Variants in LRP1B observed in about 807,000 individuals in gnomAD.
LRP1B encodes LDL receptor related protein 1B, also known as low-density lipoprotein receptor-related protein 1B.
In LRP1B, 217 loss-of-function variants were observed where a neutral mutation model predicts 556.6. That is an observed-to-expected ratio of 0.39 (90% CI 0.35 to 0.44). The LOEUF is 0.44. LRP1B is among the 20% of genes least tolerant of loss of function. The pLI is 1.00. For synonymous variants in LRP1B, 2,047 were observed against 1,865.8 expected, an observed-to-expected ratio of 1.10 and a Z score of -2.50; for missense variants, 5,053 against 5,620.8, an observed-to-expected ratio of 0.90 and a Z score of 3.23.
At chr2:141,549,148 G>A (rs970068640) in intron 2 of LRP1B, among the ~76,000 whole-genome samples, 3 of 152,148 alleles carry the variant, frequency 2.0e-5, no homozygotes, top group African/African-American at 7.2e-5. Flanking sequence ...AAATTTTGGA[G>A]TTAGACAACA....
rs147607732 is a variant in LRP1B at position 140,419,113 on chromosome 2, A to G, written c.10414+23391T>C. 5.9e-5 allele frequency among the ~76,000 whole-genome samples: 9 copies of G among 152,308 alleles called. No individual in the cohort carries two copies. The East Asian group carries it at 1.7e-3, about 29-fold the overall frequency. ...TCAAATATGGGACAAAAACACAAAG[A>G]GTATAGGTATTCCATGCTAATAATA... On this transcript the variant is annotated intron_variant, in intron 66 of 90. Transcript: ENST00000389484.
chr2:140,292,684 G>A (rs1028650820), intron 84 of LRP1B, among the ~76,000 whole-genome samples: 6 of 152,070 alleles, frequency 3.9e-5, no homozygotes, highest in African/African-American at 1.4e-4. Context: ...TTCCTTTTTA[G>A]AATCAGACAT....
intron 77 of LRP1B, among the ~76,000 whole-genome samples, chr2:140,349,175 GAGACCCCTGAACT>G (rs1472471902): frequency 6.6e-6 from 1 of 151,998 alleles, no homozygotes; most frequent in East Asian, 1.9e-4. Context: ...CTGGGGGTTG[GAGACCCCTGAACT>G]AGAACCCTGA....
intron 83 of LRP1B, among the ~76,000 whole-genome samples, chr2:140,307,272 A>G (rs929175291): frequency 1.3e-5 from 2 of 151,970 alleles, no homozygotes; most frequent in Non-Finnish European, 2.9e-5. Context: ...AGCAAAACCT[A>G]TTGTGTACAG....
At chr2:140,343,004 A>AT (rs59075508) in intron 77 of LRP1B, among the ~76,000 whole-genome samples, 18,039 of 151,184 alleles carry the variant, frequency 0.12, 1,106 homozygotes, top group Middle Eastern at 0.16. Flanking sequence ...ATTTGAAGGA[A>AT]TTTTTTTTGT....
At chr2:141,892,166 T>G (rs1392717826) in intron 1 of LRP1B, among the ~76,000 whole-genome samples, 1 of 151,648 alleles carries the variant, frequency 6.6e-6, no homozygotes, top group Non-Finnish European at 1.5e-5. Flanking sequence ...ATAAATGTAA[T>G]GAAGAATGAG....
chr2:141,286,937 T>A (rs1685745749), intron 3 of LRP1B, among the ~76,000 whole-genome samples: 3 of 152,202 alleles, frequency 2.0e-5, no homozygotes, highest in Admixed American at 2.0e-4. Context: ...GAAATGAGAC[T>A]GTGACTAAGA....
chr2:141,125,413 G>T (rs1371734089), intron 7 of LRP1B, among the ~76,000 whole-genome samples: 2 of 152,194 alleles, frequency 1.3e-5, no homozygotes, highest in East Asian at 3.9e-4. Context: ...ATTCTAGAAT[G>T]TTGGAAAAAT....
rs763717771 is a variant in LRP1B, at chr2:140,324,002, A to G, written c.12405T>C (p.Asn4135=). 6 of 1,609,658 alleles carry G rather than the reference A, an allele frequency of 3.7e-6. No homozygotes were observed. Among genetic ancestry groups the G allele is most frequent in the Admixed American group, 1.7e-5 (1 of 59,868 alleles). ...CAAATTTTTGAACTCGAAATACACCATTTTTAGGTCCTGCTCCATATATAT... is the reference window on the plus strand; with the variant it reads ...CAAATTTTTGAACTCGAAATACACCGTTTTTAGGTCCTGCTCCATATATAT... ...EDYIYGAGPK[N]GVFRVQKFGH... is the part of the protein sequence containing the mutation. Residue 4135 remains asparagine, a synonymous_variant, in exon 81 of 91, where the codon AAT becomes AAC. Coordinates refer to ENST00000389484, the MANE Select transcript of LRP1B (RefSeq NM_018557.3).
At chr2:140,475,024 T>C (rs1687913023) in intron 60 of LRP1B, 114 bp downstream of exon 60, 1 of 411,228 alleles carries the variant, frequency 2.4e-6, no homozygotes, top group Non-Finnish European at 3.9e-6. Flanking sequence ...TATAATAATG[T>C]AACCTTAAAT....
chr2:141,124,664 G>GAAA (rs570765407), intron 7 of LRP1B, among the ~76,000 whole-genome samples: 2,106 of 73,582 alleles, frequency 0.029, 65 homozygotes, highest in African/African-American at 0.08. Context: ...AGTGACAAAT[G>GAAA]AAAAAAAAAA....
intron 1 of LRP1B, among the ~76,000 whole-genome samples, chr2:141,921,463 T>G (rs1340362101): frequency 6.6e-6 from 1 of 151,958 alleles, no homozygotes; most frequent in Admixed American, 6.6e-5. Context: ...TATATATGGG[T>G]TCTATGTATG....
intron 27 of LRP1B, among the ~76,000 whole-genome samples, chr2:140,866,071 T>A (rs1295742877): frequency 6.6e-6 from 1 of 152,110 alleles, no homozygotes; most frequent in Non-Finnish European, 1.5e-5. Context: ...ATGCAATACA[T>A]AGATGAAGGC....
At chr2:141,929,432 A>T (rs1337463406) in intron 1 of LRP1B, among the ~76,000 whole-genome samples, 1 of 151,896 alleles carries the variant, frequency 6.6e-6, no homozygotes, top group Non-Finnish European at 1.5e-5. Context: ...GAAGTCAATC[A>T]CATATAACAG....
intron 72 of LRP1B, among the ~76,000 whole-genome samples, chr2:140,361,818 C>G (rs1682530740): frequency 6.6e-6 from 1 of 151,448 alleles, no homozygotes. Flanking sequence ...GAATTTATAT[C>G]TGTAGACTAC....
At position 140,742,224 on chromosome 2, in the gene LRP1B, C is replaced by T. The variant is rs373358285; in HGVS notation, c.5759-25408G>A. ...GACCAATGTAATTGACTGAAAAGTA[C>T]AGGCACAGGGTGGGTGAGAAAACTG... On this transcript the variant is annotated intron_variant, in intron 35 of 90. Transcript: ENST00000389484. Among the ~76,000 whole-genome samples, 28 of 152,240 alleles carry T rather than the reference C, an allele frequency of 1.8e-4. No homozygotes were observed. The South Asian group carries it at 5.0e-3, about 27-fold the overall frequency.
intron 2 of LRP1B, among the ~76,000 whole-genome samples, chr2:141,514,992 G>C (rs1340718326): frequency 9.1e-6 from 1 of 109,564 alleles, no homozygotes; most frequent in Non-Finnish European, 2.1e-5. Context: ...TTAGGCGTTA[G>C]GCCACCCACC....
At chr2:141,107,824 A>T (rs1335229755) in intron 7 of LRP1B, among the ~76,000 whole-genome samples, 1 of 152,142 alleles carries the variant, frequency 6.6e-6, no homozygotes, top group East Asian at 1.9e-4. Flanking sequence ...ATATGATCAC[A>T]GTTTTATTTA....
At chr2:141,243,418 G>T (rs1683954592) in intron 5 of LRP1B, among the ~76,000 whole-genome samples, 1 of 151,978 alleles carries the variant, frequency 6.6e-6, no homozygotes, top group Non-Finnish European at 1.5e-5. Context: ...GAAGTTTGCG[G>T]CTGCAGTGAG....
Sources: gnomAD v4.1 joint callset for allele counts (sites outside exome capture counted in the v4.1 genomes callset) on GRCh38, gnomAD v4.1.1 for gene constraint, MANE v1.5 for transcripts, NCBI Gene and HGNC (gene_info 2026-07-23, HGNC 2026-07-21) for gene names.